Variants in QRFP observed in about 807,000 individuals in gnomAD.
QRFP encodes orexigenic neuropeptide QRFP.
Under a neutral mutation model 9.1 loss-of-function variants are expected in QRFP, and 7 were observed. The ratio of observed to expected loss-of-function variants is 0.77; its 90% CI spans 0.44 to 1.45. The LOEUF is 1.45. Among genes scored for constraint, QRFP ranks in the 40% most tolerant of loss-of-function variants. The pLI, the probability that QRFP is intolerant of heterozygous loss-of-function variation, is 0.01. For synonymous variants in QRFP, 91 were observed against 80.2 expected, an observed-to-expected ratio of 1.13 and a Z score of -0.72; for missense variants, 204 against 185.4, an observed-to-expected ratio of 1.10 and a Z score of -0.58.
rs183824521 is a variant in QRFP, at chr9:130,893,841, G to C, written c.1-3C>G. The C allele has an allele frequency of 1.3e-6, 2 of 1,506,242 alleles. No individual in the cohort carries two copies. Among genetic ancestry groups the C allele is most frequent in the Non-Finnish European group, 1.8e-6 (2 of 1,127,932 alleles). 93.3% of individuals were successfully genotyped at this position (1,506,242 alleles called of 1,614,324 possible). A position where few individuals can be genotyped will look rare whatever the true frequency, so the allele number is the denominator to read the frequency against. On this transcript the variant is annotated splice_region_variant and splice_polypyrimidine_tract_variant and intron_variant, in intron 2 of 2. Transcript: ENST00000623824. ...ATCAGGGGGTAAGGCCTTACCATCT[G>C]ACCCAGAGGAAAGAGAGGCAGAGTG...
chr9:130,896,161 AGCTT>A (rs1354716220), intron 1 of QRFP, among the ~76,000 whole-genome samples, 180 bp from the exon 2 acceptor site: 1 of 152,160 alleles, frequency 6.6e-6, no homozygotes, highest in East Asian at 1.9e-4. Flanking sequence ...CCTACTGCCC[AGCTT>A]GCAGGATGGC....
chr9:130,894,179 A>G (rs1831727084), intron 2 of QRFP, among the ~76,000 whole-genome samples: 1 of 152,228 alleles, frequency 6.6e-6, no homozygotes, highest in South Asian at 2.1e-4. Context: ...TAAAATGGCC[A>G]TATCATTGCA....
In QRFP at chr9:130,893,833, T is replaced by TA. The variant is rs763291145; in HGVS notation, c.5dup (p.Arg3LysfsTer94). Reference sequence around the variant, plus strand: ...GGAAGTAGATCAGGGGGTAAGGCCTTACCATCTGACCCAGAGGAAAGAGAG... The same window carrying TA: ...GGAAGTAGATCAGGGGGTAAGGCCTTAACCATCTGACCCAGAGGAAAGAGAG... On this transcript the variant is annotated frameshift_variant, in exon 3 of 3. Transcript: ENST00000623824. LOFTEE classifies it high-confidence loss of function. 10 of 1,518,066 alleles carry TA rather than the reference T, an allele frequency of 6.6e-6. No individual in the cohort carries two copies. Among genetic ancestry groups the TA allele is most frequent in the Middle Eastern group, 1.8e-4 (1 of 5,642 alleles). The allele number at this position is 1,518,066 out of a possible 1,614,324, so 94.0% of individuals were successfully genotyped here.
At chr9:130,894,249 A>G (rs1831727888) in intron 2 of QRFP, among the ~76,000 whole-genome samples, 1 of 152,226 alleles carries the variant, frequency 6.6e-6, no homozygotes, top group African/African-American at 2.4e-5. Context: ...TGGATAATAA[A>G]TGGGTCTAGC....
In QRFP at chr9:130,893,437, A is replaced by G. The variant is rs1182840449; in HGVS notation, c.402T>C (p.Gly134=). The change falls in exon 3 of 3, where the codon GGT becomes GGC. Residue 134 remains glycine (G), a synonymous_variant. Transcript: ENST00000623824. ...AAGGCGTCCTGGCCCTTCACCGCCG[A>G]CCGAAGCGGAAGCTGAAGCCGCCTT... The part of the protein sequence containing the change: ...RKKGGFSFRF[G]RR 5 of 1,583,438 alleles carry G rather than the reference A, an allele frequency of 3.2e-6. No homozygotes were observed. Among genetic ancestry groups the G allele is most frequent in the Non-Finnish European group, 4.3e-6 (5 of 1,160,194 alleles).
chr9:130,894,835 C>A (rs7865017), intron 2 of QRFP, among the ~76,000 whole-genome samples: 1 of 151,990 alleles, frequency 6.6e-6, no homozygotes, highest in Admixed American at 6.6e-5. Context: ...CTGTAATGAA[C>A]CTGCCTTGGT....
chr9:130,896,342 T>C (rs1407153719), intron 1 of QRFP, among the ~76,000 whole-genome samples: 1 of 152,160 alleles, frequency 6.6e-6, no homozygotes, highest in Admixed American at 6.5e-5. Flanking sequence ...CAGTGGAGCA[T>C]TTGCCTGTGG....
chr9:130,893,359 G>A lies in QRFP; in HGVS notation c.*69C>T. On this transcript the variant is annotated 3_prime_UTR_variant, in exon 3 of 3. Transcript: ENST00000623824. ...GGGTGTCGTGGTCTTTGAGACTGGG[G>A]GAGAAGGCAGGAGTGAAGACAATGG... 1 of 1,461,510 alleles carries A rather than the reference G, an allele frequency of 6.8e-7. No homozygotes were observed. Among genetic ancestry groups the A allele is most frequent in the Non-Finnish European group, 9.2e-7 (1 of 1,086,450 alleles). 90.5% of individuals were successfully genotyped at this position (1,461,510 alleles called of 1,614,324 possible).
In QRFP at chr9:130,895,800, C is replaced by T. The variant is rs1831749127; in HGVS notation, c.-104G>A. On this transcript the variant is annotated 5_prime_UTR_variant, in exon 2 of 3. Coordinates refer to ENST00000623824, the MANE Select transcript of QRFP (RefSeq NM_198180.3). ...GGGTCCTCGTCCAGGAGGCATGGCCCCTGGGCTCTCCCTGCTTTATATGGC... is the reference window on the plus strand; with the variant it reads ...GGGTCCTCGTCCAGGAGGCATGGCCTCTGGGCTCTCCCTGCTTTATATGGC... 1 of 152,458 alleles carries T rather than the reference C, an allele frequency of 6.6e-6. No homozygotes were observed. Among genetic ancestry groups the T allele is most frequent in the African/African-American group, 2.4e-5 (1 of 41,464 alleles). The allele number at this position is 152,458 out of a possible 1,614,324, so 9.4% of individuals were successfully genotyped here.
intron 2 of QRFP, among the ~76,000 whole-genome samples, chr9:130,895,297 C>T (rs1831740994): frequency 6.6e-6 from 1 of 152,214 alleles, no homozygotes; most frequent in Admixed American, 6.5e-5. Context: ...GATAAATCCA[C>T]CCGGGAGTGG....
rs1831738115 is a variant in QRFP at position 130,895,059 on chromosome 9, A to G, written c.-1+638T>C. Reference sequence around the variant, plus strand: ...GCTCAGCCAGGAAGCTTTTAAAAAAATAATACATGCAACCCCACTTTCTAC... The same window carrying G: ...GCTCAGCCAGGAAGCTTTTAAAAAAGTAATACATGCAACCCCACTTTCTAC... On this transcript the variant is annotated intron_variant, in intron 2 of 2. Transcript: ENST00000623824. Among the ~76,000 whole-genome samples, 5 of 152,140 alleles carry G rather than the reference A, an allele frequency of 3.3e-5. No homozygotes were observed. The South Asian group carries it at 1.0e-3, about 32-fold the overall frequency.
intron 2 of QRFP, among the ~76,000 whole-genome samples, chr9:130,894,207 G>A (rs367622506): frequency 6.6e-6 from 1 of 152,246 alleles, no homozygotes; most frequent in Non-Finnish European, 1.5e-5. Flanking sequence ...GGGGTGGAAA[G>A]TTAAAAGCAT....
intron 2 of QRFP, among the ~76,000 whole-genome samples, 174 bp from the exon 3 acceptor site, chr9:130,894,012 G>A (rs1054101398): frequency 6.6e-6 from 1 of 152,220 alleles, no homozygotes; most frequent in African/African-American, 2.4e-5. Flanking sequence ...AGGATCAGGA[G>A]GTGATTGTGC....
Position 130,893,376 on chromosome 9 carries a change from A to G in QRFP, c.*52T>C. On this transcript the variant is annotated 3_prime_UTR_variant, in exon 3 of 3. Coordinates refer to ENST00000623824, the MANE Select transcript of QRFP (RefSeq NM_198180.3). ...AGACTGGGGGAGAAGGCAGGAGTGA[A>G]GACAATGGGGGTGAGTCCAAGAAGC... 1 of 1,508,586 alleles carries G rather than the reference A, an allele frequency of 6.6e-7. No homozygotes were observed. 93.5% of individuals were successfully genotyped at this position (1,508,586 alleles called of 1,614,324 possible).
chr9:130,893,766 T>G lies in QRFP; in HGVS notation c.73A>C (p.Arg25=), dbSNP rs750139617. 6.2e-7 allele frequency: 1 copy of G among 1,601,334 alleles called. No homozygotes were observed. The highest frequency in any genetic ancestry group is 1.1e-5 in the South Asian group (1 of 90,030). Residue 25 remains arginine, a synonymous_variant, in exon 3 of 3, where the codon AGA becomes CGA. Transcript: ENST00000623824. ...LGACFPLLDR[R]EPTDAMGGLG... The stretch of plus-strand genomic sequence containing the variant: ...CCACCCATGGCGTCTGTGGGCTCTC[T>G]TCTGTCCAGTAGAGGGAAGCAGGCG...
In QRFP at chr9:130,893,041, T is replaced by G; in HGVS notation, c.*387A>C. ...CTGATGTCAGCCGCAGTCGTGCCTA[T>G]AGAGACTGTCACAACTTTGATTACC... is the stretch of plus-strand genomic sequence containing the variant. On this transcript the variant is annotated 3_prime_UTR_variant, in exon 3 of 3. Coordinates refer to ENST00000623824, the MANE Select transcript of QRFP (RefSeq NM_198180.3). 1 of 174,040 alleles carries G rather than the reference T, an allele frequency of 5.7e-6. No homozygotes were observed. Among genetic ancestry groups the G allele is most frequent in the Non-Finnish European group, 1.2e-5 (1 of 83,140 alleles). The allele number at this position is 174,040 out of a possible 1,614,324, so 10.8% of individuals were successfully genotyped here. A position where few individuals can be genotyped will look rare whatever the true frequency, so the allele number is the denominator to read the frequency against.
At chr9:130,896,193 C>A (rs1396014560) in intron 1 of QRFP, among the ~76,000 whole-genome samples, 1 of 152,196 alleles carries the variant, frequency 6.6e-6, no homozygotes, top group Admixed American at 6.5e-5. Context: ...GGCAGGAAAG[C>A]CACAGACACC....
chr9:130,893,265 A>C lies in QRFP; in HGVS notation c.*163T>G. The C allele has an allele frequency of 1.4e-6, 1 of 724,998 alleles. No individual in the cohort carries two copies. The highest frequency in any genetic ancestry group is 2.1e-6 in the Non-Finnish European group (1 of 482,306). The allele number at this position is 724,998 out of a possible 1,614,324, so 44.9% of individuals were successfully genotyped here. On this transcript the variant is annotated 3_prime_UTR_variant, in exon 3 of 3. Coordinates refer to ENST00000623824, the MANE Select transcript of QRFP (RefSeq NM_198180.3). ...GTTTTTCGCTTCAGCAAAGTTGGAA[A>C]TCAAAAGTAAGCACACACCTAACCT...
intron 2 of QRFP, among the ~76,000 whole-genome samples, chr9:130,894,540 C>T (rs765407240): frequency 1.3e-5 from 2 of 152,138 alleles, no homozygotes; most frequent in Non-Finnish European, 2.9e-5. Context: ...TGAGATTGTG[C>T]CCAGGCCACA....
Sources: gnomAD v4.1 joint callset for allele counts (sites outside exome capture counted in the v4.1 genomes callset) on GRCh38, gnomAD v4.1.1 for gene constraint, MANE v1.5 for transcripts, NCBI Gene and HGNC (gene_info 2026-07-23, HGNC 2026-07-21) for gene names.